Variants in DPP10 observed in about 807,000 individuals in gnomAD.
The protein encoded by DPP10 is inactive dipeptidyl peptidase 10.
A neutral mutation model predicts 120.9 loss-of-function variants in DPP10; 33 were observed. That is an observed-to-expected ratio of 0.27 (90% confidence interval 0.21 to 0.37). The LOEUF is 0.37. Ranked by LOEUF, DPP10 falls within the 10% of genes least tolerant of loss-of-function variation. The probability of loss-of-function intolerance (pLI) is 1.00; values close to 1 mark genes in which losing one functional copy is unlikely to be tolerated. For synonymous variants in DPP10, 337 were observed against 326.1 expected, an observed-to-expected ratio of 1.03 and a Z score of -0.36; for missense variants, 816 against 942.8, an observed-to-expected ratio of 0.87 and a Z score of 1.76.
chr2:114,892,015 G>T (rs563171516), intron 1 of DPP10, among the ~76,000 whole-genome samples: 1 of 152,250 alleles, frequency 6.6e-6, no homozygotes, highest in Admixed American at 6.5e-5. Flanking sequence ...TCTCCATGAA[G>T]TAGGACCCTT....
intron 24 of DPP10, among the ~76,000 whole-genome samples, chr2:115,840,378 T>C (rs1690009603): frequency 1.4e-5 from 2 of 139,508 alleles, no homozygotes; most frequent in African/African-American, 5.3e-5. Context: ...GGCTGGACTG[T>C]AGTGGCACGA....
intron 1 of DPP10, among the ~76,000 whole-genome samples, chr2:114,646,126 C>G (rs992284985): frequency 6.6e-6 from 1 of 151,426 alleles, no homozygotes; most frequent in Non-Finnish European, 1.5e-5. Context: ...TGTCACTGCA[C>G]TCCAGCCTGG....
chr2:114,918,172 G>A (rs1246416145), intron 1 of DPP10, among the ~76,000 whole-genome samples: 1 of 152,130 alleles, frequency 6.6e-6, no homozygotes, highest in African/African-American at 2.4e-5. Context: ...AAGACGACAT[G>A]CATGTGGCCA....
At chr2:115,201,520 G>A (rs1299778006) in intron 1 of DPP10, among the ~76,000 whole-genome samples, 2 of 152,084 alleles carry the variant, frequency 1.3e-5, no homozygotes, top group Non-Finnish European at 2.9e-5. Context: ...TTCCTTTAGA[G>A]ACAGGTCGGA....
At chr2:115,628,936 G>A (rs776114156) in intron 5 of DPP10, among the ~76,000 whole-genome samples, 13 of 151,928 alleles carry the variant, frequency 8.6e-5, no homozygotes, top group East Asian at 1.9e-4. Context: ...ATTTACATTA[G>A]GTATATCTCC....
chr2:115,079,372 C>CAAAAAAAAAG lies in DPP10; in HGVS notation c.61-229859_61-229850dup, dbSNP rs146113955. On this transcript the variant is annotated intron_variant, in intron 1 of 25. Transcript: ENST00000410059. ...CAGAGCCAGACTCCGTCTCAAAAAA[C>CAAAAAAAAAG]AAAAAAAAAGAAAAAAAGAAAATCC... Among the ~76,000 whole-genome samples the CAAAAAAAAAG allele has an allele frequency of 6.1e-5, 9 of 146,490 alleles. 1 individual carries two copies. In the South Asian group the frequency reaches 8.6e-4, roughly 14 times the overall value.
At chr2:114,795,957 C>T (rs1683672582) in intron 1 of DPP10, among the ~76,000 whole-genome samples, 1 of 152,086 alleles carries the variant, frequency 6.6e-6, no homozygotes, top group Non-Finnish European at 1.5e-5. Flanking sequence ...TAACTGCATA[C>T]AATTAAGTAG....
intron 1 of DPP10, among the ~76,000 whole-genome samples, chr2:115,001,251 T>G (rs1558974180): frequency 6.6e-6 from 1 of 152,184 alleles, no homozygotes; most frequent in Non-Finnish European, 1.5e-5. Flanking sequence ...TAAAGAAAAG[T>G]TAATATCCAT....
chr2:115,194,381 C>T (rs150560638), intron 1 of DPP10, among the ~76,000 whole-genome samples: 109 of 152,258 alleles, frequency 7.2e-4, no homozygotes, highest in African/African-American at 2.3e-3. Context: ...TGCGCCACCA[C>T]GCCTGGCTAA....
intron 7 of DPP10, among the ~76,000 whole-genome samples, chr2:115,726,546 G>A (rs1316018530): frequency 1.3e-5 from 2 of 151,948 alleles, no homozygotes; most frequent in South Asian, 2.1e-4. Context: ...TAAAGTCCAC[G>A]CTTGTAACCA....
intron 1 of DPP10, among the ~76,000 whole-genome samples, chr2:114,652,890 G>A (rs1239946450): frequency 6.6e-6 from 1 of 151,756 alleles, no homozygotes; most frequent in East Asian, 1.9e-4. Context: ...CACTTAAAAG[G>A]AACAGGAAAG....
chr2:115,676,733 T>C (rs1337506143), intron 5 of DPP10, among the ~76,000 whole-genome samples: 2 of 152,084 alleles, frequency 1.3e-5, no homozygotes, highest in African/African-American at 2.4e-5. Flanking sequence ...ATCATGGAAG[T>C]TCCACATTAA....
At chr2:115,611,362 C>A (rs1313217491) in intron 5 of DPP10, among the ~76,000 whole-genome samples, 1 of 152,128 alleles carries the variant, frequency 6.6e-6, no homozygotes, top group African/African-American at 2.4e-5. Context: ...AATGAAATAT[C>A]ATATTAGAGA....
Position 115,377,688 on chromosome 2 carries a change from T to C in DPP10, c.271+33776T>C, listed in dbSNP as rs1384693063. On this transcript the variant is annotated intron_variant, in intron 3 of 25. Transcript: ENST00000410059. ...TTCTAGGGTTTTTATGGTTTTAGGT[T>C]TATCGTTTAAGTCTTTAATCCATCT... Among the ~76,000 whole-genome samples the C allele has an allele frequency of 1.8e-4, 28 of 152,174 alleles. No homozygotes were observed. In the East Asian group the frequency reaches 4.5e-3, roughly 24 times the overall value.
chr2:115,185,549 C>T (rs2054375067), intron 1 of DPP10, among the ~76,000 whole-genome samples: 1 of 151,908 alleles, frequency 6.6e-6, no homozygotes, highest in Non-Finnish European at 1.5e-5. Flanking sequence ...TAAAAAAGTA[C>T]CTAAAATTTA....
chr2:114,857,566 T>C (rs1043389036), intron 1 of DPP10, among the ~76,000 whole-genome samples: 1 of 152,200 alleles, frequency 6.6e-6, no homozygotes, highest in Non-Finnish European at 1.5e-5. Flanking sequence ...CTTCCCTTGC[T>C]TCCTCACAAC....
chr2:115,723,053 A>G (rs549635484), intron 7 of DPP10, among the ~76,000 whole-genome samples: 1 of 152,268 alleles, frequency 6.6e-6, no homozygotes, highest in African/African-American at 2.4e-5. Flanking sequence ...TCTGACTGGT[A>G]GAGCTCTCCT....
At chr2:114,805,649 G>GT (rs1309727343) in intron 1 of DPP10, among the ~76,000 whole-genome samples, 2 of 152,248 alleles carry the variant, frequency 1.3e-5, no homozygotes, top group East Asian at 1.9e-4. Flanking sequence ...GTTTTGTTTT[G>GT]TTTTTTCTCC....
rs781585381 is a variant in DPP10, at chr2:115,005,995, C to T, written c.61-303244C>T. 3.0e-3 allele frequency among the ~76,000 whole-genome samples: 460 copies of T among 152,256 alleles called. 1 individual carries two copies. The highest frequency in any genetic ancestry group is 0.01 in the Middle Eastern group (3 of 294). Reference sequence around the variant, plus strand: ...AGGTCGGGTTACCCTCAAAGGGAAGCCCATCAGACTAACAGTGGATCTCTT... The same window carrying T: ...AGGTCGGGTTACCCTCAAAGGGAAGTCCATCAGACTAACAGTGGATCTCTT... On this transcript the variant is annotated intron_variant, in intron 1 of 25. Transcript: ENST00000410059.
Sources: gnomAD v4.1 joint callset for allele counts (sites outside exome capture counted in the v4.1 genomes callset) on GRCh38, gnomAD v4.1.1 for gene constraint, MANE v1.5 for transcripts, NCBI Gene and HGNC (gene_info 2026-07-23, HGNC 2026-07-21) for gene names.